MITF: variants seen among roughly 807,000 people sequenced by gnomAD.
MITF encodes the protein melanocyte inducing transcription factor, also known as microphthalmia-associated transcription factor.
Under a neutral mutation model 60.5 loss-of-function variants are expected in MITF, and 17 were observed. The observed-to-expected ratio is 0.28, with a 90% CI of 0.19 to 0.42. The LOEUF (loss-of-function observed/expected upper bound fraction) is 0.42. Ranked by LOEUF, MITF falls within the 10% of genes least tolerant of loss-of-function variation. The probability of loss-of-function intolerance (pLI) is 1.00; values close to 1 mark genes in which losing one functional copy is unlikely to be tolerated. For missense variants in MITF, 622 were observed against 683.5 expected (o/e 0.91, Z 1.00); for synonymous variants, 260 against 248.5 (o/e 1.05, Z -0.43).
At chr3:69,788,132 C>T (rs7651218) in intron 1 of MITF, among the ~76,000 whole-genome samples, 73,120 of 147,582 alleles carry the variant, frequency 0.5, 18,670 homozygotes, top group Non-Finnish European at 0.59. Flanking sequence ...TTTTCTTTTT[C>T]TTTTTTTTTT....
At chr3:69,756,346 A>C (rs1444848740) in intron 1 of MITF, among the ~76,000 whole-genome samples, 1 of 151,896 alleles carries the variant, frequency 6.6e-6, no homozygotes, top group Admixed American at 6.6e-5. Flanking sequence ...ATGTGTTCTC[A>C]TTGTTCAACT....
intron 1 of MITF, among the ~76,000 whole-genome samples, chr3:69,836,052 TTGG>T (rs2063535305): frequency 6.6e-6 from 1 of 152,100 alleles, no homozygotes; most frequent in Non-Finnish European, 1.5e-5. Flanking sequence ...AAGCTATAGA[TTGG>T]TTTGGATAGG....
intron 1 of MITF, among the ~76,000 whole-genome samples, chr3:69,858,099 C>T (rs2063950919): frequency 6.6e-6 from 1 of 151,538 alleles, no homozygotes; most frequent in Admixed American, 6.6e-5. Context: ...TTTAATTTGT[C>T]TTTTATATTA....
At chr3:69,956,137 T>G in intron 7 of MITF, among the ~76,000 whole-genome samples, 1 of 152,220 alleles carries the variant, frequency 6.6e-6, no homozygotes. Context: ...CAGATATTGT[T>G]GGATGTCCTC....
chr3:69,759,817 G>A lies in MITF; in HGVS notation c.104+20116G>A, dbSNP rs549508938. Among the ~76,000 whole-genome samples, 62 of 151,960 alleles carry A rather than the reference G, an allele frequency of 4.1e-4. No homozygotes were observed. In the South Asian group the frequency reaches 0.012, roughly 29 times the overall value. On this transcript the variant is annotated intron_variant, in intron 1 of 9. Transcript: ENST00000352241. ...TTTTGAGACAAAGTCTCGCTCTGTC[G>A]TCCAGGCTGGAGTGCAGTGGCACGA...
chr3:69,889,962 G>A (rs1332863049), intron 2 of MITF, among the ~76,000 whole-genome samples: 2 of 152,060 alleles, frequency 1.3e-5, no homozygotes, highest in African/African-American at 2.4e-5. Context: ...GCTCAGGAAA[G>A]GATTCTGCTC....
intron 7 of MITF, among the ~76,000 whole-genome samples, chr3:69,954,371 G>A (rs951610161): frequency 1.3e-5 from 2 of 152,214 alleles, no homozygotes; most frequent in African/African-American, 4.8e-5. Context: ...AAAGTTCCAC[G>A]TGGAGTCAAA....
At chr3:69,844,159 T>A (rs562488788) in intron 1 of MITF, among the ~76,000 whole-genome samples, 6 of 152,326 alleles carry the variant, frequency 3.9e-5, no homozygotes, top group African/African-American at 1.4e-4. Context: ...GACATTTGGG[T>A]TGGTTCCAAG....
At chr3:69,807,575 T>A (rs2063030250) in intron 1 of MITF, among the ~76,000 whole-genome samples, 1 of 152,216 alleles carries the variant, frequency 6.6e-6, no homozygotes, top group African/African-American at 2.4e-5. Flanking sequence ...ATTTGATGAG[T>A]CTTGCTTGTC....
chr3:69,760,602 TAA>T (rs2062198262), intron 1 of MITF, among the ~76,000 whole-genome samples: 1 of 152,230 alleles, frequency 6.6e-6, no homozygotes, highest in Admixed American at 6.5e-5. Context: ...ATGGCATTTG[TAA>T]AGTGTCATGG....
intron 1 of MITF, among the ~76,000 whole-genome samples, chr3:69,740,195 T>C (rs961547882): frequency 6.6e-6 from 1 of 152,086 alleles, no homozygotes; most frequent in Non-Finnish European, 1.5e-5. Context: ...GAGTCACCTC[T>C]TGGGAGTCCG....
At chr3:69,841,510 C>A (rs2063635890) in intron 1 of MITF, among the ~76,000 whole-genome samples, 1 of 152,142 alleles carries the variant, frequency 6.6e-6, no homozygotes, top group Admixed American at 6.5e-5. Flanking sequence ...AATCTTAGAA[C>A]TGGAATGAAA....
chr3:69,967,113 AG>A lies in MITF; in HGVS notation c.*1867del. The A allele has an allele frequency of 4.3e-6, 1 of 232,816 alleles. No homozygotes were observed. The allele number at this position is 232,816 out of a possible 1,614,324, so 14.4% of individuals were successfully genotyped here. The stretch of plus-strand genomic sequence containing the variant: ...GTGATGGGTGATGGAGGGTTCAGAG[AG>A]GAGTGATCGTCAGATGTGTGAATGG... On this transcript the variant is annotated 3_prime_UTR_variant, in exon 10 of 10. Coordinates refer to ENST00000352241, the MANE Select transcript of MITF (RefSeq NM_001354604.2).
chr3:69,896,780 C>A (rs925724442), intron 2 of MITF, among the ~76,000 whole-genome samples: 1 of 152,158 alleles, frequency 6.6e-6, no homozygotes, highest in African/African-American at 2.4e-5. Flanking sequence ...CCTAGCACAG[C>A]CCCTGAGCTG....
At position 69,950,448 on chromosome 3, in the gene MITF, T is replaced by TTATATATA. The variant is rs10604038; in HGVS notation, c.880+1302_880+1309dup. Among the ~76,000 whole-genome samples, 363 of 130,778 alleles carry TTATATATA rather than the reference T, an allele frequency of 2.8e-3. 1 individual carries two copies. The highest frequency in any genetic ancestry group is 0.012 in the Middle Eastern group (3 of 246). The allele number at this position is 130,778 out of a possible 152,430, so 85.8% of individuals were successfully genotyped here. A position where few individuals can be genotyped will look rare whatever the true frequency, so the allele number is the denominator to read the frequency against. ...CAACTGAAAGAATTCAACTTCTGAGTTATATATATATATATATATATATAT... is the reference window on the plus strand; with the variant it reads ...CAACTGAAAGAATTCAACTTCTGAGTTATATATATATATATATATATATATATATATAT... On this transcript the variant is annotated intron_variant, in intron 6 of 9. Transcript: ENST00000352241.
chr3:69,753,148 C>T (rs1703998752), intron 1 of MITF, among the ~76,000 whole-genome samples: 1 of 152,198 alleles, frequency 6.6e-6, no homozygotes, highest in Non-Finnish European at 1.5e-5. Flanking sequence ...ACACTGCTCT[C>T]CACATCCTAG....
intron 1 of MITF, among the ~76,000 whole-genome samples, chr3:69,820,433 C>T (rs1229016521): frequency 6.6e-6 from 1 of 151,398 alleles, no homozygotes; most frequent in Admixed American, 6.6e-5. Flanking sequence ...TAGTAACTTA[C>T]AGTTTAAATG....
chr3:69,802,483 A>G (rs956799242), intron 1 of MITF, among the ~76,000 whole-genome samples: 3 of 152,168 alleles, frequency 2.0e-5, no homozygotes, highest in African/African-American at 7.2e-5. Flanking sequence ...AACTTTTCAG[A>G]TAATATTCTG....
intron 1 of MITF, among the ~76,000 whole-genome samples, chr3:69,813,925 G>A (rs1387519337): frequency 6.6e-6 from 1 of 152,110 alleles, no homozygotes; most frequent in Non-Finnish European, 1.5e-5. Flanking sequence ...AGGGCCACTA[G>A]GTGTTTAGAT....
Sources: allele counts gnomAD v4.1 joint callset (sites outside exome capture counted in the v4.1 genomes callset), GRCh38; gene constraint gnomAD v4.1.1; transcripts MANE v1.5; gene names NCBI Gene and HGNC (gene_info 2026-07-23, HGNC 2026-07-21).